The following MPDZ variants were observed in gnomAD, a reference collection of about 807,000 sequenced individuals.
The protein encoded by MPDZ is multiple PDZ domain protein.
A neutral mutation model predicts 239.1 loss-of-function variants in MPDZ; 234 were observed. The ratio of observed to expected loss-of-function variants is 0.98; its 90% CI spans 0.88 to 1.09. MPDZ has a LOEUF of 1.09. Among genes scored for constraint, MPDZ ranks in the 50% least tolerant of loss-of-function variants. MPDZ has a pLI of 0.00. For missense variants in MPDZ, 3,175 were observed against 2,510.0 expected (o/e 1.26, Z -5.66); for synonymous variants, 1,048 against 881.3 (o/e 1.19, Z -3.35).
At chr9:13,152,533 C>A (rs1355143407) in intron 24 of MPDZ, among the ~76,000 whole-genome samples, 1 of 152,028 alleles carries the variant, frequency 6.6e-6, no homozygotes, top group Admixed American at 6.6e-5. Flanking sequence ...TCACCTTCCA[C>A]CATGATTGTG....
chr9:13,137,247 T>C (rs1946960203), intron 29 of MPDZ, among the ~76,000 whole-genome samples: 1 of 152,068 alleles, frequency 6.6e-6, no homozygotes, highest in Non-Finnish European at 1.5e-5. Flanking sequence ...GGAGAAGAAA[T>C]GCTAGGTAGA....
chr9:13,180,040 G>C (rs1189787459), intron 19 of MPDZ, among the ~76,000 whole-genome samples: 2 of 151,934 alleles, frequency 1.3e-5, no homozygotes, highest in Admixed American at 1.3e-4. Flanking sequence ...TAAGGAAAAA[G>C]GCAACATCTT....
At chr9:13,171,031 C>G (rs1309258577) in intron 21 of MPDZ, among the ~76,000 whole-genome samples, 1 of 152,130 alleles carries the variant, frequency 6.6e-6, no homozygotes, top group Non-Finnish European at 1.5e-5. Flanking sequence ...AACCTGAATT[C>G]CACCACTTCC....
chr9:13,237,471 TG>T (rs1203146351), intron 3 of MPDZ, among the ~76,000 whole-genome samples: 1 of 131,816 alleles, frequency 7.6e-6, no homozygotes, highest in African/African-American at 2.9e-5. Context: ...AAAGGTAAAA[TG>T]GTAAGTACAA....
chr9:13,206,491 C>G (rs143354340), intron 10 of MPDZ, among the ~76,000 whole-genome samples: 1 of 151,782 alleles, frequency 6.6e-6, no homozygotes, highest in African/African-American at 2.4e-5. Flanking sequence ...TAGGCTCAAG[C>G]GATCCTCTCA....
chr9:13,190,091 T>TTATACTTTAAAAAAATATAC (rs1954690527), intron 16 of MPDZ, 23 bp downstream of exon 16: 2 of 1,597,002 alleles, frequency 1.3e-6, no homozygotes, highest in African/African-American at 2.7e-5. Context: ...CTTTAAAAAT[T>TTATACTTTAAAAAAATATAC]GTTAAAAGTA....
In MPDZ at chr9:13,168,516, C is replaced by T. The variant is rs919463016; in HGVS notation, c.3104G>A (p.Ser1035Asn). Residue 1035 changes from serine (S) to asparagine (N), a missense_variant, in exon 22 of 47, where the codon AGC becomes AAC. Coordinates refer to ENST00000319217, the MANE Select transcript of MPDZ (RefSeq NM_001378778.1). ...NKDGLGMIVR[S>N]IIHGGAISRD... ...ACTAATGGCACCTCCATGAATAATG[C>T]TTCGAACGATCATCCCCAAGCCATC... is the stretch of plus-strand genomic sequence containing the variant. 1.9e-6 allele frequency: 3 copies of T among 1,612,980 alleles called. No homozygotes were observed. The highest frequency in any genetic ancestry group is 3.3e-5 in the Admixed American group (2 of 59,864).
chr9:13,192,205 G>C lies in MPDZ; in HGVS notation c.1894C>G (p.Arg632Gly), dbSNP rs755060398. The C allele has an allele frequency of 9.9e-6, 16 of 1,610,562 alleles. No individual in the cohort carries two copies. Among genetic ancestry groups the C allele is most frequent in the Non-Finnish European group, 1.4e-5 (16 of 1,178,304 alleles). ...LPIEVTMVCC[R>G]RTVPPTTQSE... ...TGGGTGGTGGGTGGCACAGTTCGACGACAGCACACCATTGTCACTTCTATA... is the reference window on the plus strand; with the variant it reads ...TGGGTGGTGGGTGGCACAGTTCGACCACAGCACACCATTGTCACTTCTATA... Residue 632 changes from arginine (R) to glycine (G), a missense_variant, in exon 15 of 47, where the codon CGT becomes GGT. Transcript: ENST00000319217.
intron 23 of MPDZ, among the ~76,000 whole-genome samples, chr9:13,160,025 T>C (rs1950275396): frequency 6.6e-6 from 1 of 152,178 alleles, no homozygotes; most frequent in Non-Finnish European, 1.5e-5. Context: ...GTAAAGTAAC[T>C]GGCAGAAAGT....
intron 12 of MPDZ, 28 bp from the exon 13 acceptor site, chr9:13,196,258 C>G (rs1282671405): frequency 6.9e-7 from 1 of 1,443,422 alleles, no homozygotes. Context: ...ATTAAGTTAG[C>G]AGCAAACTAC....
In MPDZ at chr9:13,206,019, C is replaced by G. The variant is rs1956947971; in HGVS notation, c.1371G>C (p.Leu457=). The G allele has an allele frequency of 1.2e-6, 2 of 1,612,360 alleles. No individual in the cohort carries two copies. The highest frequency in any genetic ancestry group is 1.1e-5 in the South Asian group (1 of 90,994). Residue 457 remains leucine, a synonymous_variant, in exon 11 of 47, where the codon CTG becomes CTC. Coordinates refer to ENST00000319217, the MANE Select transcript of MPDZ (RefSeq NM_001378778.1). ...VLRHTGQTVL[L]TLMRRGMKQE... ...GCTTCATTCCTCTCCTCATTAGTGTCAGGAGCACAGTTTGTCCTGTATGTC... is the reference window on the plus strand; with the variant it reads ...GCTTCATTCCTCTCCTCATTAGTGTGAGGAGCACAGTTTGTCCTGTATGTC...
chr9:13,135,536 T>A (rs770638638), intron 31 of MPDZ: 1 of 152,202 alleles, frequency 6.6e-6, no homozygotes, highest in South Asian at 2.1e-4. Flanking sequence ...GAGAAATTTT[T>A]AACTAAACAT....
At chr9:13,187,005 T>C (rs1297516373) in intron 17 of MPDZ, among the ~76,000 whole-genome samples, 2 of 152,152 alleles carry the variant, frequency 1.3e-5, no homozygotes, top group African/African-American at 4.8e-5. Flanking sequence ...AGATATCGTA[T>C]CACAAACTTG....
intron 15 of MPDZ, 107 bp downstream of exon 15, chr9:13,192,024 C>A: frequency 3.0e-6 from 3 of 986,546 alleles, no homozygotes; most frequent in Non-Finnish European, 2.7e-6. Flanking sequence ...AAGCCATGGG[C>A]GATGTGAGTA....
At position 13,113,915 on chromosome 9, in the gene MPDZ, A is replaced by T. The variant is rs1259271329; in HGVS notation, c.5557+16T>A. On this transcript the variant is annotated intron_variant, in intron 41 of 46. Coordinates refer to ENST00000319217, the MANE Select transcript of MPDZ (RefSeq NM_001378778.1). ...GCCAAATTCAAACCATGTTTAAAAT[A>T]CTGAACCAATCTTACATGCATTCTT... 1 of 1,562,872 alleles carries T rather than the reference A, an allele frequency of 6.4e-7. No homozygotes were observed.
intron 12 of MPDZ, among the ~76,000 whole-genome samples, chr9:13,200,177 T>C (rs1434525197): frequency 1.3e-5 from 2 of 151,978 alleles, no homozygotes; most frequent in Admixed American, 6.6e-5. Context: ...ATAATCTCGG[T>C]AGACTGTAAG....
At chr9:13,270,605 T>A (rs943641517) in intron 1 of MPDZ, among the ~76,000 whole-genome samples, 30 of 152,240 alleles carry the variant, frequency 2.0e-4, no homozygotes, top group African/African-American at 7.0e-4. Flanking sequence ...TTTACACTGA[T>A]TATATTTTGA....
chr9:13,138,348 T>C (rs1947148756), intron 28 of MPDZ, among the ~76,000 whole-genome samples, 195 bp from the exon 29 acceptor site: 1 of 152,178 alleles, frequency 6.6e-6, no homozygotes, highest in Non-Finnish European at 1.5e-5. Context: ...CTTTGAGGAA[T>C]TTCTTTGCAT....
chr9:13,137,822 C>T (rs1160770897), intron 29 of MPDZ, 135 bp downstream of exon 29: 3 of 892,642 alleles, frequency 3.4e-6, no homozygotes, highest in Non-Finnish European at 5.0e-6. Flanking sequence ...GCCAGATTTG[C>T]TGCAATGCAT....
Sources: gnomAD v4.1 joint callset for allele counts (sites outside exome capture counted in the v4.1 genomes callset) on GRCh38, gnomAD v4.1.1 for gene constraint, MANE v1.5 for transcripts, NCBI Gene and HGNC (gene_info 2026-07-23, HGNC 2026-07-21) for gene names.